Variants in PPP1CC observed in about 807,000 individuals in gnomAD.
PPP1CC encodes the protein protein phosphatase 1 catalytic subunit gamma.
PPP1CC carries 16 observed loss-of-function variants against 38.4 expected under a neutral mutation model. The observed-to-expected ratio is 0.42, with a 90% CI of 0.28 to 0.63. The LOEUF (loss-of-function observed/expected upper bound fraction) is 0.63. PPP1CC is among the 30% of genes least tolerant of loss of function. PPP1CC has a pLI of 0.25. For synonymous variants in PPP1CC, 158 were observed against 136.0 expected (o/e 1.16, Z -1.13); for missense variants, 170 against 391.3 (o/e 0.43, Z 4.77).
At chr12:110,715,116 A>G (rs2069678067), downstream of PPP1CC, among the ~76,000 whole-genome samples, 2 of 151,950 alleles carry the variant, frequency 1.3e-5, no homozygotes, top group Non-Finnish European at 2.9e-5. Flanking sequence ...TCTCTGGGAG[A>G]CATGGTGTTT....
intron 3 of PPP1CC, among the ~76,000 whole-genome samples, chr12:110,727,086 C>T (rs117267468): frequency 0.014 from 2,082 of 152,288 alleles, 26 homozygotes; most frequent in Middle Eastern, 0.027. Flanking sequence ...TACAGGTGTG[C>T]ACCACCACAG....
intron 6 of PPP1CC, chr12:110,721,889 A>G: frequency 4.1e-6 from 2 of 486,150 alleles, no homozygotes; most frequent in South Asian, 9.4e-5. Context: ...AAAGAGCCAT[A>G]AGCATTAAGG....
chr12:110,734,124 A>G (rs908305479), intron 1 of PPP1CC, among the ~76,000 whole-genome samples: 14 of 151,542 alleles, frequency 9.2e-5, no homozygotes, highest in Admixed American at 3.9e-4. Context: ...CACCCCCTCA[A>G]CCATGCTTGT....
At chr12:110,710,717 CAAAAAAA>C in the PPP1CC span, among the ~76,000 whole-genome samples, 230 of 27,906 alleles carry the variant, frequency 8.2e-3, no homozygotes, top group Non-Finnish European at 0.012. Flanking sequence ...GACTCTGTCT[CAAAAAAA>C]AAAAAAAAAA....
In PPP1CC at chr12:110,724,639, AACAAAAATCAGCCC is replaced by A; in HGVS notation, c.523+7_523+20del. The A allele has an allele frequency of 6.7e-7, 1 of 1,485,354 alleles. No individual in the cohort carries two copies. The allele number at this position is 1,485,354 out of a possible 1,614,324, so 92.0% of individuals were successfully genotyped here. ...TTGGAAGGGATCAAAACCTATTTGG[AACAAAAATCAGCCC>A]ACCTACCTCCATGACAGCAGAATAT... On this transcript the variant is annotated splice_region_variant and intron_variant, in intron 4 of 6. Transcript: ENST00000335007.
chr12:110,727,544 C>G (rs1387579969), intron 3 of PPP1CC, among the ~76,000 whole-genome samples: 1 of 150,354 alleles, frequency 6.7e-6, no homozygotes, highest in Non-Finnish European at 1.5e-5. Flanking sequence ...GCAGCAGAAA[C>G]AGATCAACAA....
Position 110,730,624 on chromosome 12 carries a change from A to T in PPP1CC, c.323T>A (p.Leu108Gln). Reference sequence around the variant, plus strand: ...CTCAGGATATTTTATTTTGTAGGCCAGTAAGAGGCAGATCGTCTCCAATGA... The same window carrying T: ...CTCAGGATATTTTATTTTGTAGGCCTGTAAGAGGCAGATCGTCTCCAATGA... ...KQSLETICLL[L>Q]AYKIKYPENF... Residue 108 changes from leucine to glutamine, a missense_variant, in exon 3 of 7, where the codon CTG (leucine) becomes CAG (glutamine). Coordinates refer to ENST00000335007, the MANE Select transcript of PPP1CC (RefSeq NM_002710.4). 1 of 1,614,208 alleles carries T rather than the reference A, an allele frequency of 6.2e-7. No homozygotes were observed. Among genetic ancestry groups the T allele is most frequent in the Non-Finnish European group, 8.5e-7 (1 of 1,180,030 alleles).
At chr12:110,715,231 ATGAG>A (rs2069678729), downstream of PPP1CC, among the ~76,000 whole-genome samples, 1 of 152,146 alleles carries the variant, frequency 6.6e-6, no homozygotes, top group African/African-American at 2.4e-5. Context: ...TTTTGGCTGA[ATGAG>A]TATTAAAATC....
In PPP1CC at chr12:110,722,360, G is replaced by A; in HGVS notation, c.748-91C>T. ...TTTCCCATTGAGCCTGATATCTTGT[G>A]TTCCAGAAACACTTTGTATAAATAA... On this transcript the variant is annotated intron_variant, in intron 5 of 6. Transcript: ENST00000335007. This position sits in a 1 kb window ranked among gnomAD's most constrained non-coding sequence, Gnocchi z 5.4. The A allele has an allele frequency of 1.3e-6, 2 of 1,562,240 alleles. No individual in the cohort carries two copies. The highest frequency in any genetic ancestry group is 2.7e-5 in the African/African-American group (2 of 73,490).
chr12:110,728,089 T>C (rs771646207), intron 3 of PPP1CC, among the ~76,000 whole-genome samples: 8 of 152,216 alleles, frequency 5.3e-5, no homozygotes, highest in African/African-American at 1.2e-4. Flanking sequence ...CTAACAGCTA[T>C]GTAAAAGGAA....
At chr12:110,710,588 G>T in the PPP1CC span, among the ~76,000 whole-genome samples, 2 of 151,394 alleles carry the variant, frequency 1.3e-5, no homozygotes, top group African/African-American at 4.9e-5. Flanking sequence ...TGTGGTGGTG[G>T]GTGCCTGTAG....
At chr12:110,708,678 G>A in the PPP1CC span, among the ~76,000 whole-genome samples, 2 of 151,650 alleles carry the variant, frequency 1.3e-5, no homozygotes, top group East Asian at 1.9e-4. Context: ...GTGAAACCCC[G>A]CCTTTACTAA....
At chr12:110,711,881 C>T in the PPP1CC span, among the ~76,000 whole-genome samples, 1 of 152,012 alleles carries the variant, frequency 6.6e-6, no homozygotes, top group Non-Finnish European at 1.5e-5. Context: ...GCCGAGATCG[C>T]ACCATTGCAC....
intron 1 of PPP1CC, among the ~76,000 whole-genome samples, chr12:110,742,063 T>C (rs1015128948): frequency 5.9e-5 from 9 of 151,660 alleles, no homozygotes; most frequent in African/African-American, 1.9e-4. Context: ...TTAAAAGGAT[T>C]TGGAGGGCAG....
intron 1 of PPP1CC, among the ~76,000 whole-genome samples, chr12:110,739,596 T>C (rs1187679215): frequency 6.6e-6 from 1 of 152,190 alleles, no homozygotes; most frequent in Non-Finnish European, 1.5e-5. Context: ...CTGTAAGCAC[T>C]TTCTGTGAGC....
At chr12:110,710,941 TGAGGCA>T in the PPP1CC span, among the ~76,000 whole-genome samples, 1 of 151,794 alleles carries the variant, frequency 6.6e-6, no homozygotes, top group African/African-American at 2.4e-5. Context: ...AAAAGGAGGC[TGAGGCA>T]GGTGGATCAC....
At chr12:110,728,410 A>C (rs1248695992) in intron 3 of PPP1CC, among the ~76,000 whole-genome samples, 5 of 147,030 alleles carry the variant, frequency 3.4e-5, no homozygotes, top group African/African-American at 5.2e-5. Context: ...AAAAAAAAAA[A>C]AAAACAAAAA....
Position 110,722,894 on chromosome 12 carries a change from G to T in PPP1CC, c.524-199C>A, listed in dbSNP as rs2069755664. Among the ~76,000 whole-genome samples, 1 of 152,186 alleles carries T rather than the reference G, an allele frequency of 6.6e-6. No homozygotes were observed. The highest frequency in any genetic ancestry group is 6.5e-5 in the Admixed American group (1 of 15,284). On this transcript the variant is annotated intron_variant, in intron 4 of 6. Transcript: ENST00000335007. This position sits in a 1 kb window ranked among gnomAD's most constrained non-coding sequence, Gnocchi z 5.4. ...AACTGGATACACACTAGAATTACAT[G>T]CAGTAATGCATGGGGTGCAGTAGGT...
At chr12:110,731,430 T>C (rs927369266) in intron 2 of PPP1CC, among the ~76,000 whole-genome samples, 1 of 152,164 alleles carries the variant, frequency 6.6e-6, no homozygotes, top group African/African-American at 2.4e-5. Flanking sequence ...GGAAGTTCTA[T>C]TTTTAGCTAT....
Sources: gnomAD v4.1 joint callset for allele counts (sites outside exome capture counted in the v4.1 genomes callset) on GRCh38, gnomAD v4.1.1 for gene constraint, Gnocchi (gnomAD v3.1) non-coding constraint, MANE v1.5 for transcripts, NCBI Gene and HGNC (gene_info 2026-07-23, HGNC 2026-07-21) for gene names.